The following ALDH3A2 variants were observed in gnomAD, a reference collection of about 807,000 sequenced individuals.
ALDH3A2 encodes aldehyde dehydrogenase 3 family member A2.
ALDH3A2 carries 36 observed loss-of-function variants against 51.3 expected under a neutral mutation model. The observed-to-expected ratio is 0.70, with a 90% CI of 0.54 to 0.93. The LOEUF is 0.93. ALDH3A2 is among the 40% of genes least tolerant of loss of function. The pLI is 0.00. For synonymous variants in ALDH3A2, 199 were observed against 219.8 expected (o/e 0.91, Z 0.84); for missense variants, 552 against 603.1 (o/e 0.92, Z 0.89).
chr17:19,671,941 C>T lies in ALDH3A2; in HGVS notation c.1428C>T (p.Ala476=), dbSNP rs201772603. 1.5e-5 allele frequency: 24 copies of T among 1,614,014 alleles called. No individual in the cohort carries two copies. In the South Asian group the frequency reaches 1.5e-4, roughly 10 times the overall value. ...LLLLTFLGIV[A]AVLVKAEYY is the part of the protein sequence containing the mutation. Reference sequence around the variant, plus strand: ...TGCTCACTTTCCTGGGTATTGTAGCCGCTGTGCTTGTCAAGGTGAGTCCCT... The same window carrying T: ...TGCTCACTTTCCTGGGTATTGTAGCTGCTGTGCTTGTCAAGGTGAGTCCCT... Residue 476 remains alanine, a synonymous_variant, in exon 9 of 10, where the codon GCC becomes GCT. Transcript: ENST00000176643.
At chr17:19,659,234 AG>A (rs1199211946) in intron 5 of ALDH3A2, among the ~76,000 whole-genome samples, 2 of 152,086 alleles carry the variant, frequency 1.3e-5, no homozygotes, top group Admixed American at 6.6e-5. Context: ...TTATCTCAAA[AG>A]AAAAAAAGAT....
chr17:19,651,457 T>A, intron 1 of ALDH3A2, 90 bp from the exon 2 acceptor site: 1 of 1,092,736 alleles, frequency 9.2e-7, no homozygotes, highest in Non-Finnish European at 1.4e-6. Flanking sequence ...TTGTTGTCAC[T>A]ACAGGTGTAC....
In ALDH3A2 at chr17:19,648,942, G is replaced by T; in HGVS notation, c.-30G>T. The T allele has an allele frequency of 4.5e-6, 7 of 1,565,060 alleles. No homozygotes were observed. The highest frequency in any genetic ancestry group is 6.1e-6 in the Non-Finnish European group (7 of 1,155,976). ...CCGCCTCCCACTCCCCAGCGCCCCC[G>T]GACCGTGCAGTTCTCTGCAGGACCA... On this transcript the variant is annotated 5_prime_UTR_variant, in exon 1 of 10. Coordinates refer to ENST00000176643, the MANE Select transcript of ALDH3A2 (RefSeq NM_000382.3).
intron 2 of ALDH3A2, 128 bp from the exon 3 acceptor site, chr17:19,652,419 G>C: frequency 1.4e-6 from 1 of 715,178 alleles, no homozygotes; most frequent in Non-Finnish European, 2.5e-6. Context: ...CTAATTATGA[G>C]GATATGCAGC....
chr17:19,661,019 G>A (rs572290606), intron 5 of ALDH3A2, 108 bp from the exon 6 acceptor site: 5 of 1,095,938 alleles, frequency 4.6e-6, no homozygotes, highest in Non-Finnish European at 6.8e-6. Flanking sequence ...GTTAGATTCT[G>A]TGAGGATATA....
intron 9 of ALDH3A2, chr17:19,675,281 A>G: frequency 2.2e-6 from 1 of 446,096 alleles, no homozygotes. Flanking sequence ...CTCTACTCTG[A>G]CATTAGCTAG....
chr17:19,663,632 C>T (rs2084998289), intron 7 of ALDH3A2, 133 bp downstream of exon 7: 1 of 1,090,234 alleles, frequency 9.2e-7, no homozygotes, highest in Non-Finnish European at 1.3e-6. Flanking sequence ...AGTCCATCCA[C>T]TAAGTGAGGT....
chr17:19,667,514 A>C (rs1431635430), intron 8 of ALDH3A2, among the ~76,000 whole-genome samples: 1 of 152,192 alleles, frequency 6.6e-6, no homozygotes, highest in Non-Finnish European at 1.5e-5. Flanking sequence ...CAAAAAGTCT[A>C]AACAGTTAAA....
intron 4 of ALDH3A2, among the ~76,000 whole-genome samples, 193 bp downstream of exon 4, chr17:19,656,767 G>C (rs2084903585): frequency 1.3e-5 from 2 of 152,164 alleles, no homozygotes; most frequent in African/African-American, 4.8e-5. Context: ...ATGGTGAGCT[G>C]TAAGTCCTGA....
At chr17:19,655,108 C>A (rs1023553755) in intron 3 of ALDH3A2, among the ~76,000 whole-genome samples, 2 of 152,114 alleles carry the variant, frequency 1.3e-5, no homozygotes, top group East Asian at 1.9e-4. Flanking sequence ...GTTATGATGC[C>A]GCGAAGAAAT....
At chr17:19,665,376 CGTGTGTGT>C (rs34642385) in intron 8 of ALDH3A2, among the ~76,000 whole-genome samples, 15 of 145,032 alleles carry the variant, frequency 1.0e-4, no homozygotes, top group African/African-American at 2.8e-4. Flanking sequence ...GATCTCTCTT[CGTGTGTGT>C]GTGTGTGTGT....
intron 1 of ALDH3A2, among the ~76,000 whole-genome samples, chr17:19,650,773 T>C (rs2084805174): frequency 6.6e-6 from 1 of 152,154 alleles, no homozygotes; most frequent in South Asian, 2.1e-4. Flanking sequence ...TTTTTACTTT[T>C]TATCTGCATT....
chr17:19,658,522 C>T (rs2084926566), intron 5 of ALDH3A2, among the ~76,000 whole-genome samples: 1 of 150,810 alleles, frequency 6.6e-6, no homozygotes, highest in Non-Finnish European at 1.5e-5. Context: ...GTCAGAAGTT[C>T]AAGACCAGCC....
At chr17:19,671,495 G>T (rs1300482660) in intron 8 of ALDH3A2, among the ~76,000 whole-genome samples, 1 of 152,232 alleles carries the variant, frequency 6.6e-6, no homozygotes. Flanking sequence ...TAGAAGAGGT[G>T]CAAGTCCTTG....
chr17:19,651,698 T>C lies in ALDH3A2; in HGVS notation c.305T>C (p.Leu102Pro), dbSNP rs1156292781. Residue 102 changes from leucine (L) to proline (P), a missense_variant, in exon 2 of 10, where the codon CTG (leucine) becomes CCG (proline). Leu to Pro is a moderately conservative substitution (Grantham distance 98). Transcript: ENST00000176643. ...LDEAYIQPQP[L>P]GVVLIIGAWN... Reference sequence around the variant, plus strand: ...GAGGCCTATATTCAGCCACAGCCTCTGGGAGTGGTGCTGATAATCGGAGCT... The same window carrying C: ...GAGGCCTATATTCAGCCACAGCCTCCGGGAGTGGTGCTGATAATCGGAGCT... The C allele has an allele frequency of 6.2e-7, 1 of 1,614,208 alleles. No individual in the cohort carries two copies. Among genetic ancestry groups the C allele is most frequent in the Non-Finnish European group, 8.5e-7 (1 of 1,180,036 alleles).
At position 19,653,771 on chromosome 17, in the gene ALDH3A2, C is replaced by G. The variant is rs184683629; in HGVS notation, c.471+1139C>G. Among the ~76,000 whole-genome samples the G allele has an allele frequency of 3.2e-3, 483 of 152,254 alleles. 2 individuals carry two copies. Among genetic ancestry groups the G allele is most frequent in the African/African-American group, 0.011 (454 of 41,548 alleles). On this transcript the variant is annotated intron_variant, in intron 3 of 9. Transcript: ENST00000176643. ...AGCTTCCACAGTGTCAAAGGGGACC[C>G]GAGCAGGTTGCCGCTGCTGGCTTGG...
At chr17:19,652,128 A>G (rs1408780781) in intron 2 of ALDH3A2, among the ~76,000 whole-genome samples, 1 of 152,224 alleles carries the variant, frequency 6.6e-6, no homozygotes, top group East Asian at 1.9e-4. Context: ...CAGTTTCTTC[A>G]TTCAAATAAA....
At chr17:19,658,264 G>C (rs193049351) in intron 5 of ALDH3A2, among the ~76,000 whole-genome samples, 19 of 152,330 alleles carry the variant, frequency 1.2e-4, no homozygotes, top group African/African-American at 4.6e-4. Context: ...AGGGTGGCCA[G>C]TAGTTTGGAG....
chr17:19,655,072 G>A (rs2084876644), intron 3 of ALDH3A2, among the ~76,000 whole-genome samples: 1 of 152,226 alleles, frequency 6.6e-6, no homozygotes, highest in Non-Finnish European at 1.5e-5. Context: ...CTGAGTCAGA[G>A]GTTCTTATGC....
Sources: gnomAD v4.1 joint callset for allele counts (sites outside exome capture counted in the v4.1 genomes callset) on GRCh38, gnomAD v4.1.1 for gene constraint, MANE v1.5 for transcripts, NCBI Gene and HGNC (gene_info 2026-07-23, HGNC 2026-07-21) for gene names.